The following AHCTF1 variants were observed in gnomAD, a reference collection of about 807,000 sequenced individuals.
The protein encoded by AHCTF1 is AT-hook containing transcription factor 1, also known as protein ELYS.
In AHCTF1, 24 loss-of-function variants were observed where a neutral mutation model predicts 248.4. That is an observed-to-expected ratio of 0.10 (90% CI 0.07 to 0.14). The LOEUF is 0.14. AHCTF1 is among the 10% of genes least tolerant of loss of function. AHCTF1 has a pLI of 1.00. For missense variants in AHCTF1, 2,206 were observed against 2,636.2 expected (o/e 0.84, Z 3.57); for synonymous variants, 786 against 929.8 (o/e 0.85, Z 2.81).
Position 246,876,207 on chromosome 1 carries a change from G to A in AHCTF1, c.2938-20C>T. ...ATCATTCTATTAAACATCAAAATTG[G>A]TAAAAAATTTAACCTTCAAAATGTT... On this transcript the variant is annotated intron_variant, in intron 23 of 35. Coordinates refer to ENST00000648844, the MANE Select transcript of AHCTF1 (RefSeq NM_001323342.2). 6.5e-7 allele frequency: 1 copy of A among 1,543,722 alleles called. No homozygotes were observed. The highest frequency in any genetic ancestry group is 8.8e-7 in the Non-Finnish European group (1 of 1,138,656).
rs375529420 is a variant in AHCTF1, at chr1:246,891,742, T to G, written c.1945+37A>C. On this transcript the variant is annotated intron_variant, in intron 15 of 35. Coordinates refer to ENST00000648844, the MANE Select transcript of AHCTF1 (RefSeq NM_001323342.2). ...GTTTCTCTTAGTCAAGAAGTAAAAT[T>G]TAATAAAACACTCATTTGATAAAAC... 3.4e-5 allele frequency: 55 copies of G among 1,597,146 alleles called. No homozygotes were observed. The African/African-American group carries it at 5.7e-4, about 17-fold the overall frequency.
At chr1:246,849,384 AAAAT>A (rs1484850242) in intron 33 of AHCTF1, among the ~76,000 whole-genome samples, 1 of 152,238 alleles carries the variant, frequency 6.6e-6, no homozygotes, top group African/African-American at 2.4e-5. Flanking sequence ...ACTATTCTAA[AAAAT>A]AAATCTGTTA....
At chr1:246,874,200 T>C (rs550668340) in intron 24 of AHCTF1, among the ~76,000 whole-genome samples, 1 of 152,184 alleles carries the variant, frequency 6.6e-6, no homozygotes, top group African/African-American at 2.4e-5. Flanking sequence ...GCCAACAAAT[T>C]ACGATAAAAT....
chr1:246,884,655 C>T (rs1301180388), intron 21 of AHCTF1, among the ~76,000 whole-genome samples: 1 of 151,804 alleles, frequency 6.6e-6, no homozygotes, highest in African/African-American at 2.4e-5. Context: ...CTCACAGTTA[C>T]TATGTGAGAC....
Position 246,861,115 on chromosome 1 carries a change from C to G in AHCTF1, c.3916G>C (p.Gly1306Arg). 1 of 1,614,004 alleles carries G rather than the reference C, an allele frequency of 6.2e-7. No homozygotes were observed. Among genetic ancestry groups the G allele is most frequent in the South Asian group, 1.1e-5 (1 of 91,072 alleles). Residue 1306 changes from glycine (G) to arginine (R), a missense_variant, in exon 29 of 36, where the codon GGA (glycine) becomes CGA (arginine). Around this residue, in one of 6 missense-constraint regions of AHCTF1, gnomAD observed 955 missense variants for 1,055.6 expected, o/e 0.90. Coordinates refer to ENST00000648844, the MANE Select transcript of AHCTF1 (RefSeq NM_001323342.2). The part of the protein sequence containing the change: ...QSLEKLDVSK[G>R]NSSVSITSDE... ...GATGTGATTGAAACACTGCTGTTTC[C>G]TTTGCTCACATCCAGTTTCTCTAAA...
Position 246,849,820 on chromosome 1 carries a change from G to C in AHCTF1, c.6186C>G (p.His2062Gln), listed in dbSNP as rs745308809. 1.9e-6 allele frequency: 3 copies of C among 1,613,846 alleles called. No individual in the cohort carries two copies. The highest frequency in any genetic ancestry group is 2.7e-5 in the African/African-American group (2 of 74,900). ...CATCTGTGCGTTCTTCTGATACTGA[G>C]TGCAATGAACGTTTTTGGCTTTGAC... ...TESQSQKRSL[H>Q]SVSEERTDEM... Residue 2062 changes from histidine to glutamine, a missense_variant, in exon 33 of 36, where the codon CAC (histidine) becomes CAG (glutamine). This residue lies in a region of AHCTF1 where 469 missense variants were observed against 470.0 expected (regional missense o/e 1.00). Transcript: ENST00000648844.
At position 246,931,067 on chromosome 1, in the gene AHCTF1, G is replaced by A. The variant is rs1667316110; in HGVS notation, c.-8+511C>T. Reference sequence around the variant, plus strand: ...TAAATCTCCTTGATCTGACCAATCGGGTGAGCTGGAACCTCACGGCTGAGC... The same window carrying A: ...TAAATCTCCTTGATCTGACCAATCGAGTGAGCTGGAACCTCACGGCTGAGC... On this transcript the variant is annotated intron_variant, in intron 1 of 35. Coordinates refer to ENST00000648844, the MANE Select transcript of AHCTF1 (RefSeq NM_001323342.2). The A allele has an allele frequency of 3.3e-6, 5 of 1,536,566 alleles. 1 individual carries two copies. The highest frequency in any genetic ancestry group is 2.4e-5 in the South Asian group (2 of 82,182).
intron 21 of AHCTF1, among the ~76,000 whole-genome samples, chr1:246,884,136 C>T (rs1051235553): frequency 2.0e-5 from 3 of 152,170 alleles, no homozygotes; most frequent in Admixed American, 6.5e-5. Context: ...TCAACAGTTA[C>T]CACATTTAGC....
At chr1:246,847,199 G>T (rs1474386460) in intron 33 of AHCTF1, among the ~76,000 whole-genome samples, 1 of 151,252 alleles carries the variant, frequency 6.6e-6, no homozygotes, top group Non-Finnish European at 1.5e-5. Flanking sequence ...TGAGGCAGGA[G>T]AATTGTTTGA....
intron 4 of AHCTF1, among the ~76,000 whole-genome samples, chr1:246,908,539 T>C (rs190729662): frequency 6.6e-6 from 1 of 152,094 alleles, no homozygotes; most frequent in Admixed American, 6.6e-5. Context: ...ATTCTTTACA[T>C]TGACAGAACA....
chr1:246,887,092 C>A, intron 20 of AHCTF1, 119 bp downstream of exon 20: 1 of 1,131,750 alleles, frequency 8.8e-7, no homozygotes, highest in South Asian at 1.8e-5. Flanking sequence ...TAAACTGGGT[C>A]CTTCCTCAAC....
chr1:246,924,491 T>TA (rs890214205), intron 1 of AHCTF1, among the ~76,000 whole-genome samples: 7 of 151,932 alleles, frequency 4.6e-5, no homozygotes, highest in Admixed American at 3.3e-4. Context: ...ATATATAAAA[T>TA]AAAAATGCAA....
Position 246,850,358 on chromosome 1 carries a change from T to C in AHCTF1, c.5648A>G (p.Glu1883Gly), listed in dbSNP as rs1273346183. The C allele has an allele frequency of 3.7e-6, 6 of 1,611,734 alleles. No individual in the cohort carries two copies. The highest frequency in any genetic ancestry group is 5.1e-6 in the Non-Finnish European group (6 of 1,178,612). ...RRIKRSVENQ[E>G]SVEIINDLKV... is the part of the protein sequence containing the mutation. ...TAGATCATTTATAATTTCAACACTTTCCTGATTTTCTACAGATCTTTTAAT... is the reference window on the plus strand; with the variant it reads ...TAGATCATTTATAATTTCAACACTTCCCTGATTTTCTACAGATCTTTTAAT... Residue 1883 changes from glutamate (E) to glycine (G), a missense_variant, in exon 33 of 36, where the codon GAA becomes GGA. Physicochemically the swap from Glu to Gly is moderately conservative, Grantham distance 98. This residue lies in a region of AHCTF1 where 469 missense variants were observed against 470.0 expected (regional missense o/e 1.00). Coordinates refer to ENST00000648844, the MANE Select transcript of AHCTF1 (RefSeq NM_001323342.2).
chr1:246,864,677 T>C lies in AHCTF1; in HGVS notation c.3348-561A>G, dbSNP rs1474769816. ...GGTGAAACCCCGTCTCTACTAAAAA[T>C]ACAAAAAAAAAAATTAGCCGGGCGC... On this transcript the variant is annotated intron_variant, in intron 26 of 35. Coordinates refer to ENST00000648844, the MANE Select transcript of AHCTF1 (RefSeq NM_001323342.2). Among the ~76,000 whole-genome samples, 2 of 23,436 alleles carry C rather than the reference T, an allele frequency of 8.5e-5. 1 individual carries two copies. The highest frequency in any genetic ancestry group is 1.2e-4 in the Non-Finnish European group (2 of 16,312). 15.4% of individuals were successfully genotyped at this position (23,436 alleles called of 152,430 possible).
intron 16 of AHCTF1, among the ~76,000 whole-genome samples, chr1:246,890,447 T>C (rs1664138172): frequency 6.6e-6 from 1 of 152,180 alleles, no homozygotes; most frequent in Non-Finnish European, 1.5e-5. Context: ...AATGGCTTCC[T>C]GGAAATGCAA....
chr1:246,842,829 A>T, intron 34 of AHCTF1, 53 bp from the exon 35 acceptor site: 1 of 1,486,994 alleles, frequency 6.7e-7, no homozygotes, highest in Middle Eastern at 1.7e-4. Flanking sequence ...TCCAATTTTA[A>T]AACTTCTATC....
chr1:246,897,308 T>C (rs903705145), intron 12 of AHCTF1, among the ~76,000 whole-genome samples: 3 of 152,008 alleles, frequency 2.0e-5, no homozygotes, highest in Admixed American at 6.5e-5. Flanking sequence ...ACCGAGATGC[T>C]GTCTCAAAAA....
At chr1:246,885,380 G>C in intron 21 of AHCTF1, 113 bp downstream of exon 21, 1 of 850,680 alleles carries the variant, frequency 1.2e-6, no homozygotes, top group Admixed American at 2.9e-5. Context: ...CTAATACAAA[G>C]GACTGACTTT....
Position 246,900,069 on chromosome 1 carries a change from A to C in AHCTF1, c.1428T>G (p.Asn476Lys). ...TAATGTTAAGGAAATACATACCAAA[A>C]TTATAAGTGCTTGGATTAAAAAACT... Reference protein sequence around the residue: ...PEQFFNPSTYNFDATCLLNSG... With the variant: ...PEQFFNPSTYKFDATCLLNSG... Residue 476 changes from asparagine (N) to lysine (K), a missense_variant, in exon 10 of 36, where the codon AAT (asparagine) becomes AAG (lysine). This residue lies in a region of AHCTF1 where 650 missense variants were observed against 870.8 expected (regional missense o/e 0.75). Coordinates refer to ENST00000648844, the MANE Select transcript of AHCTF1 (RefSeq NM_001323342.2). 6.2e-7 allele frequency: 1 copy of C among 1,602,970 alleles called. No homozygotes were observed. Among genetic ancestry groups the C allele is most frequent in the East Asian group, 2.2e-5 (1 of 44,742 alleles).
Sources: allele counts gnomAD v4.1 joint callset (sites outside exome capture counted in the v4.1 genomes callset), GRCh38; gene constraint gnomAD v4.1.1; regional missense constraint gnomAD v4.1.1; transcripts MANE v1.5; gene names NCBI Gene and HGNC (gene_info 2026-07-23, HGNC 2026-07-21).